Variants in CSNK1A1 observed in about 807,000 individuals in gnomAD.
CSNK1A1 encodes the protein casein kinase 1 alpha 1.
A neutral mutation model predicts 46.1 loss-of-function variants in CSNK1A1; 7 were observed. That is an observed-to-expected ratio of 0.15 (90% confidence interval 0.09 to 0.29). CSNK1A1 has a LOEUF of 0.29. CSNK1A1 is among the 10% of genes least tolerant of loss of function. The probability of loss-of-function intolerance (pLI) is 1.00; values close to 1 mark genes in which losing one functional copy is unlikely to be tolerated. For missense variants in CSNK1A1, 96 were observed against 417.1 expected, an observed-to-expected ratio of 0.23 and a Z score of 6.71; for synonymous variants, 137 against 141.5, an observed-to-expected ratio of 0.97 and a Z score of 0.23.
At chr5:149,544,410 C>T (rs569127285) in intron 2 of CSNK1A1, among the ~76,000 whole-genome samples, 28 of 151,990 alleles carry the variant, frequency 1.8e-4, no homozygotes, top group Non-Finnish European at 4.0e-4. Context: ...TGCCTATAAT[C>T]CCAGCGCTTT....
At chr5:149,499,967 C>CTTTTTTTTT (rs1162496799) in intron 9 of CSNK1A1, among the ~76,000 whole-genome samples, 1,305 of 77,598 alleles carry the variant, frequency 0.017, 3 homozygotes, top group East Asian at 0.02. Flanking sequence ...TTCTTTTTTT[C>CTTTTTTTTT]TTTTTTTTTT....
rs144648624 is a variant in CSNK1A1, at chr5:149,517,305, A to C, written c.456+2985T>G. ...TACAGACTGAGGAAATAAGTTCTAG[A>C]AACACTAGATCTGAAATCTGATCTA... On this transcript the variant is annotated intron_variant, in intron 4 of 9. Coordinates refer to ENST00000377843, the MANE Select transcript of CSNK1A1 (RefSeq NM_001892.6). This position sits in a 1 kb window ranked among gnomAD's most constrained non-coding sequence, Gnocchi z 4.4. Among the ~76,000 whole-genome samples, 374 of 152,326 alleles carry C rather than the reference A, an allele frequency of 2.5e-3. 3 individuals carry two copies. Among genetic ancestry groups the C allele is most frequent in the African/African-American group, 8.6e-3 (358 of 41,580 alleles).
Position 149,494,609 on chromosome 5 carries a change from C to G in CSNK1A1, c.*2244G>C, listed in dbSNP as rs573917005. 1 of 152,226 alleles carries G rather than the reference C, an allele frequency of 6.6e-6. No homozygotes were observed. The highest frequency in any genetic ancestry group is 6.5e-5 in the Admixed American group (1 of 15,296). 9.4% of individuals were successfully genotyped at this position (152,226 alleles called of 1,614,324 possible). On this transcript the variant is annotated 3_prime_UTR_variant, in exon 10 of 10. Transcript: ENST00000377843. ...AATTTTGGTGAAATGAGATTCATCT[C>G]GTAACAGGATTAGTAACAGCATTCA...
rs532940360 is a variant in CSNK1A1, at chr5:149,495,253, C to A, written c.*1600G>T. On this transcript the variant is annotated 3_prime_UTR_variant, in exon 10 of 10. Transcript: ENST00000377843. ...AGAAAACAAAACAAATTAAACTTGA[C>A]ACAATCTGACCAAACACGTGTCAAT... 4 of 152,246 alleles carry A rather than the reference C, an allele frequency of 2.6e-5. No individual in the cohort carries two copies. In the East Asian group the frequency reaches 7.7e-4, roughly 29 times the overall value. 9.4% of individuals were successfully genotyped at this position (152,246 alleles called of 1,614,324 possible).
chr5:149,498,225 CCCT>C, intron 9 of CSNK1A1: 4 of 984,734 alleles, frequency 4.1e-6, no homozygotes, highest in Non-Finnish European at 4.8e-6. Context: ...GCATATATGC[CCCT>C]TTTTTTTTTT....
At chr5:149,529,718 T>G (rs1281525817) in intron 2 of CSNK1A1, 1 of 456,266 alleles carries the variant, frequency 2.2e-6, no homozygotes, top group East Asian at 6.9e-5. Context: ...GAGCTTTACA[T>G]GCTGTAAATA....
chr5:149,503,003 TG>T, intron 9 of CSNK1A1: 2 of 898,556 alleles, frequency 2.2e-6, no homozygotes, highest in Non-Finnish European at 2.7e-6. Flanking sequence ...TGGCCTCAAG[TG>T]ATCTGCTTGC....
intron 2 of CSNK1A1, among the ~76,000 whole-genome samples, chr5:149,528,091 G>A (rs1440777127): frequency 1.3e-5 from 2 of 152,176 alleles, no homozygotes; most frequent in Admixed American, 6.5e-5. Flanking sequence ...TCACCTGCAT[G>A]TAAGCCTCTA....
intron 3 of CSNK1A1, among the ~76,000 whole-genome samples, chr5:149,524,126 CAAAT>C (rs1368883115): frequency 1.3e-5 from 2 of 152,146 alleles, no homozygotes; most frequent in East Asian, 3.9e-4. Context: ...AGTGATAAAA[CAAAT>C]AACCTGTGTT....
At position 149,517,142 on chromosome 5, in the gene CSNK1A1, A is replaced by G. The variant is rs1011985157; in HGVS notation, c.456+3148T>C. ...CAAAAACTAAATTTAATATATTTCA[A>G]TGTATTACTAATGGTAATCTACCAT... On this transcript the variant is annotated intron_variant, in intron 4 of 9. Coordinates refer to ENST00000377843, the MANE Select transcript of CSNK1A1 (RefSeq NM_001892.6). The surrounding 1 kb of genome is among the most constrained non-coding windows in gnomAD (Gnocchi z 4.4). Among the ~76,000 whole-genome samples, 1 of 152,202 alleles carries G rather than the reference A, an allele frequency of 6.6e-6. No individual in the cohort carries two copies. Among genetic ancestry groups the G allele is most frequent in the Admixed American group, 6.5e-5 (1 of 15,288 alleles).
intron 7 of CSNK1A1, among the ~76,000 whole-genome samples, chr5:149,507,714 T>A (rs891866564): frequency 6.6e-6 from 1 of 152,110 alleles, no homozygotes; most frequent in Non-Finnish European, 1.5e-5. Flanking sequence ...TCTGCCCCCC[T>A]TGGCCTCCTT....
chr5:149,549,878 A>C (rs775506154), intron 2 of CSNK1A1, among the ~76,000 whole-genome samples, 197 bp downstream of exon 2: 3 of 152,212 alleles, frequency 2.0e-5, no homozygotes, highest in Non-Finnish European at 4.4e-5. Context: ...GGAGCAGTGT[A>C]ATACAATGAA....
At chr5:149,541,239 G>A (rs1212239190) in intron 2 of CSNK1A1, among the ~76,000 whole-genome samples, 3 of 149,338 alleles carry the variant, frequency 2.0e-5, no homozygotes, top group African/African-American at 5.0e-5. Context: ...TGCAACCTCC[G>A]TCTCCTGGGA....
In CSNK1A1 at chr5:149,505,612, ATTT is replaced by A; in HGVS notation, c.858-20_858-18del. On this transcript the variant is annotated intron_variant, in intron 8 of 9. Coordinates refer to ENST00000377843, the MANE Select transcript of CSNK1A1 (RefSeq NM_001892.6). ...TTCAGGGTCCTGGAACACATAAAAT[ATTT>A]TATGTTAATCCTTTAATAACAGAGT... 1 of 1,602,996 alleles carries A rather than the reference ATTT, an allele frequency of 6.2e-7. No individual in the cohort carries two copies. The highest frequency in any genetic ancestry group is 1.3e-5 in the African/African-American group (1 of 74,784).
At chr5:149,538,284 T>G (rs201627134) in intron 2 of CSNK1A1, among the ~76,000 whole-genome samples, 3 of 151,600 alleles carry the variant, frequency 2.0e-5, no homozygotes, top group African/African-American at 7.3e-5. Flanking sequence ...GGCCACCCAA[T>G]GTGCTGGGAT....
chr5:149,536,694 T>G (rs1762072243), intron 2 of CSNK1A1, among the ~76,000 whole-genome samples: 1 of 152,182 alleles, frequency 6.6e-6, no homozygotes, highest in Non-Finnish European at 1.5e-5. Flanking sequence ...TTCAAATACA[T>G]GAATAGCTAT....
At chr5:149,514,235 C>G (rs976480666) in intron 4 of CSNK1A1, among the ~76,000 whole-genome samples, 1 of 152,134 alleles carries the variant, frequency 6.6e-6, no homozygotes, top group African/African-American at 2.4e-5. Context: ...GTTATCATGT[C>G]TATATGGTAC....
intron 3 of CSNK1A1, 80 bp downstream of exon 3, chr5:149,524,965 T>TA (rs1761682286): frequency 1.2e-5 from 16 of 1,323,536 alleles, no homozygotes; most frequent in Non-Finnish European, 1.4e-5. Flanking sequence ...CACAGGATTT[T>TA]AATACTCTGA....
intron 7 of CSNK1A1, among the ~76,000 whole-genome samples, chr5:149,507,868 TC>T (rs1761086912): frequency 6.6e-6 from 1 of 152,182 alleles, no homozygotes; most frequent in African/African-American, 2.4e-5. Context: ...TTCTAATTTT[TC>T]TCTATTATTA....
Sources: gnomAD v4.1 joint callset for allele counts (sites outside exome capture counted in the v4.1 genomes callset) on GRCh38, gnomAD v4.1.1 for gene constraint, Gnocchi (gnomAD v3.1) non-coding constraint, MANE v1.5 for transcripts, NCBI Gene and HGNC (gene_info 2026-07-23, HGNC 2026-07-21) for gene names.